The following ARL10 variants were observed in gnomAD, a reference collection of about 807,000 sequenced individuals.
The protein encoded by ARL10 is ARF like GTPase 10.
In ARL10, 23 loss-of-function variants were observed where a neutral mutation model predicts 26.1. The observed-to-expected ratio is 0.88, with a 90% CI of 0.63 to 1.25. ARL10 has a LOEUF of 1.25. ARL10 is among the 50% of genes most tolerant of loss of function. The probability of loss-of-function intolerance (pLI) is 0.00; values close to 1 mark genes in which losing one functional copy is unlikely to be tolerated. For missense variants in ARL10, 300 were observed against 323.6 expected, an observed-to-expected ratio of 0.93 and a Z score of 0.56; for synonymous variants, 138 against 149.1, an observed-to-expected ratio of 0.93 and a Z score of 0.54.
Position 176,377,463 on chromosome 5 carries a change from A to G in ARL10, c.*5568A>G, listed in dbSNP as rs1768716298. 6.6e-6 allele frequency: 1 copy of G among 152,228 alleles called. No individual in the cohort carries two copies. Among genetic ancestry groups the G allele is most frequent in the Admixed American group, 6.5e-5 (1 of 15,282 alleles). The allele number at this position is 152,228 out of a possible 1,614,324, so 9.4% of individuals were successfully genotyped here. ...CTTATAACTCCTTAGCTACTGCCATAGCATCAGCTCTCCTACACAGGAAAG... is the reference window on the plus strand; with the variant it reads ...CTTATAACTCCTTAGCTACTGCCATGGCATCAGCTCTCCTACACAGGAAAG... On this transcript the variant is annotated 3_prime_UTR_variant, in exon 4 of 4. Coordinates refer to ENST00000310389, the MANE Select transcript of ARL10 (RefSeq NM_173664.6). The surrounding 1 kb of genome is among the most constrained non-coding windows in gnomAD (Gnocchi z 4.5).
intron 1 of ARL10, chr5:176,396,384 A>G (rs1756520240): frequency 8.8e-7 from 1 of 1,137,820 alleles, no homozygotes; most frequent in East Asian, 2.3e-5. Flanking sequence ...GAGCCCAGCC[A>G]CACTCATTTA....
downstream of ARL10, among the ~76,000 whole-genome samples, chr5:176,393,247 C>A (rs1400451336): frequency 1.3e-5 from 2 of 152,158 alleles, no homozygotes; most frequent in South Asian, 4.1e-4. The surrounding 1 kb of genome is among the most constrained non-coding windows in gnomAD (Gnocchi z 4.4). Flanking sequence ...GTCTTCCCAG[C>A]CTAGGCACCC....
chr5:176,398,994 C>G (rs1244664076), intron 1 of ARL10, among the ~76,000 whole-genome samples: 1 of 151,958 alleles, frequency 6.6e-6, no homozygotes, highest in African/African-American at 2.4e-5. Context: ...AGGCACACGT[C>G]ACGACACCCG....
chr5:176,401,502 C>G (rs1245376260), intron 1 of ARL10, among the ~76,000 whole-genome samples: 1 of 152,142 alleles, frequency 6.6e-6, no homozygotes, highest in African/African-American at 2.4e-5. Context: ...CAAACTTGCC[C>G]CACCCTCCGT....
downstream of ARL10, chr5:176,406,461 T>C: frequency 8.5e-7 from 1 of 1,181,466 alleles, no homozygotes; most frequent in Admixed American, 3.5e-5. Context: ...CATCCTTCTT[T>C]GGGATTGATC....
Position 176,375,769 on chromosome 5 carries a change from TG to T in ARL10, c.*3877del, listed in dbSNP as rs988651088. 3 of 152,184 alleles carry T rather than the reference TG, an allele frequency of 2.0e-5. No individual in the cohort carries two copies. Among genetic ancestry groups the T allele is most frequent in the Non-Finnish European group, 4.4e-5 (3 of 68,028 alleles). The allele number at this position is 152,184 out of a possible 1,614,324, so 9.4% of individuals were successfully genotyped here. A position where few individuals can be genotyped will look rare whatever the true frequency, so the allele number is the denominator to read the frequency against. On this transcript the variant is annotated 3_prime_UTR_variant, in exon 4 of 4. Transcript: ENST00000310389. ...TGCACAGCTCCTAAACAAGGTCCAG[TG>T]GGCAACTTATTTTTATGTGGTCCCT...
intron 1 of ARL10, among the ~76,000 whole-genome samples, chr5:176,387,250 TTG>T (rs1367736880): frequency 6.7e-6 from 1 of 149,164 alleles, no homozygotes; most frequent in African/African-American, 2.5e-5. Context: ...CAGCTAAATT[TTG>T]TGTTTTTAGT....
intron 1 of ARL10, chr5:176,397,469 CCCT>C (rs538541524): frequency 2.9e-5 from 18 of 625,150 alleles, no homozygotes; most frequent in Admixed American, 7.5e-5. Context: ...CCCCACGGCC[CCCT>C]CATGTCCCCA....
downstream of ARL10, among the ~76,000 whole-genome samples, chr5:176,404,587 G>A (rs1481688537): frequency 6.6e-6 from 1 of 152,188 alleles, no homozygotes; most frequent in Non-Finnish European, 1.5e-5. Context: ...CAGCCTTAAG[G>A]AAACTCAGCC....
intron 1 of ARL10, among the ~76,000 whole-genome samples, chr5:176,401,471 G>A (rs974276640): frequency 2.6e-5 from 4 of 152,146 alleles, no homozygotes; most frequent in Non-Finnish European, 2.9e-5. Flanking sequence ...AATCCTGAAC[G>A]TCACTTCACT....
intron 1 of ARL10, among the ~76,000 whole-genome samples, chr5:176,398,812 A>T (rs1262402491): frequency 6.6e-6 from 1 of 152,142 alleles, no homozygotes; most frequent in Non-Finnish European, 1.5e-5. Flanking sequence ...TGGTTGTATT[A>T]ACTCCTAACA....
chr5:176,369,601 TC>T (rs1768468254), intron 3 of ARL10, among the ~76,000 whole-genome samples: 2 of 152,312 alleles, frequency 1.3e-5, no homozygotes, highest in Admixed American at 1.3e-4. Flanking sequence ...GGGATGCTAT[TC>T]CCATTTTATA....
chr5:176,368,113 G>C lies in ARL10; in HGVS notation c.386-694G>C, dbSNP rs1768388216. 2.1e-6 allele frequency: 1 copy of C among 481,520 alleles called. No homozygotes were observed. Among genetic ancestry groups the C allele is most frequent in the African/African-American group, 2.0e-5 (1 of 50,568 alleles). 29.8% of individuals were successfully genotyped at this position (481,520 alleles called of 1,614,324 possible). A position where few individuals can be genotyped will look rare whatever the true frequency, so the allele number is the denominator to read the frequency against. On this transcript the variant is annotated intron_variant, in intron 2 of 3. Coordinates refer to ENST00000310389, the MANE Select transcript of ARL10 (RefSeq NM_173664.6). This position sits in a 1 kb window ranked among gnomAD's most constrained non-coding sequence, Gnocchi z 4.1. Reference sequence around the variant, plus strand: ...TCAGAAACATAGCCAGAAACACTAGGGTGCGGGGTGACCAATGGGACTGTG... The same window carrying C: ...TCAGAAACATAGCCAGAAACACTAGCGTGCGGGGTGACCAATGGGACTGTG...
chr5:176,405,134 C>A (rs191611720), downstream of ARL10, among the ~76,000 whole-genome samples: 1 of 152,274 alleles, frequency 6.6e-6, no homozygotes, highest in Admixed American at 6.5e-5. Flanking sequence ...TCCCCAAAGC[C>A]AAGCCCTCAC....
Position 176,366,504 on chromosome 5 carries a change from T to G in ARL10, c.308T>G (p.Leu103Arg). The G allele has an allele frequency of 6.2e-7, 1 of 1,614,132 alleles. No individual in the cohort carries two copies. The highest frequency in any genetic ancestry group is 8.5e-7 in the Non-Finnish European group (1 of 1,180,024). ...FLRVLSGKPP[L>R]EGHIPTWGFN... Reference sequence around the variant, plus strand: ...CGCGTGTTGTCGGGGAAGCCACCGCTGGAAGGCCACATCCCCACCTGGGGC... The same window carrying G: ...CGCGTGTTGTCGGGGAAGCCACCGCGGGAAGGCCACATCCCCACCTGGGGC... Residue 103 changes from leucine to arginine, a missense_variant, in exon 2 of 4, where the codon CTG becomes CGG. Leu to Arg is a moderately radical substitution (Grantham distance 102, BLOSUM62 -2). Coordinates refer to ENST00000310389, the MANE Select transcript of ARL10 (RefSeq NM_173664.6).
At chr5:176,410,286 C>T in the ARL10 span, 4 of 1,613,828 alleles carry the variant, frequency 2.5e-6, no homozygotes, top group African/African-American at 5.3e-5. Context: ...ACTGTGGTCC[C>T]CATGTCCTCA....
chr5:176,382,485 G>C (rs1755577392), downstream of ARL10, among the ~76,000 whole-genome samples: 1 of 152,170 alleles, frequency 6.6e-6, no homozygotes, highest in Admixed American at 6.5e-5. Context: ...CACATAGAAG[G>C]GAAGTCTTCA....
chr5:176,396,873 C>T (rs531131993), intron 1 of ARL10, among the ~76,000 whole-genome samples: 50 of 152,104 alleles, frequency 3.3e-4, no homozygotes, highest in Non-Finnish European at 7.1e-4. Context: ...TCTCTCCCAC[C>T]GCTCCCTGGC....
rs1768615656 is a variant in ARL10, at chr5:176,373,799, A to G, written c.*1904A>G. ...TTTGCTGGCAGCTTTTCATTTTGTC[A>G]TTGGAAGGCTAAGAGACTTTTCTCC... On this transcript the variant is annotated 3_prime_UTR_variant, in exon 4 of 4. Coordinates refer to ENST00000310389, the MANE Select transcript of ARL10 (RefSeq NM_173664.6). The G allele has an allele frequency of 6.6e-6, 1 of 152,222 alleles. No individual in the cohort carries two copies. The highest frequency in any genetic ancestry group is 2.1e-4 in the South Asian group (1 of 4,832). The allele number at this position is 152,222 out of a possible 1,614,324, so 9.4% of individuals were successfully genotyped here.
Sources: allele counts gnomAD v4.1 joint callset (sites outside exome capture counted in the v4.1 genomes callset), GRCh38; gene constraint gnomAD v4.1.1; non-coding constraint Gnocchi (gnomAD v3.1); transcripts MANE v1.5; gene names NCBI Gene and HGNC (gene_info 2026-07-23, HGNC 2026-07-21).